The following SFI1 variants were observed in gnomAD, a reference collection of about 807,000 sequenced individuals.
SFI1 encodes SFI1 centrin binding protein.
Under a neutral mutation model 207.5 loss-of-function variants are expected in SFI1, and 195 were observed. The ratio of observed to expected loss-of-function variants is 0.94; its 90% CI spans 0.84 to 1.06. The LOEUF (loss-of-function observed/expected upper bound fraction) is 1.06. SFI1 is among the 50% of genes least tolerant of loss of function. SFI1 has a pLI of 0.00. For missense variants in SFI1, 1,634 were observed against 1,588.0 expected (o/e 1.03, Z -0.49); for synonymous variants, 630 against 598.9 (o/e 1.05, Z -0.76).
At chr22:31,539,661 CAA>C (rs1020364843) in intron 4 of SFI1, among the ~76,000 whole-genome samples, 36 of 152,086 alleles carry the variant, frequency 2.4e-4, no homozygotes, top group African/African-American at 8.2e-4. Context: ...CCTCAAATGT[CAA>C]GAGATTCTTT....
intron 2 of SFI1, chr22:31,521,234 G>T: frequency 1.1e-5 from 2 of 180,626 alleles, no homozygotes. Flanking sequence ...TTCCCAATCA[G>T]AGACTTGCGA....
chr22:31,569,377 C>G (rs1471478268), intron 8 of SFI1, among the ~76,000 whole-genome samples: 5 of 152,128 alleles, frequency 3.3e-5, no homozygotes, highest in Non-Finnish European at 7.3e-5. Context: ...ATGAACTGTT[C>G]TTGCCTAAAA....
At chr22:31,564,831 T>TTTTTTTTTTTG (rs57661689) in intron 8 of SFI1, among the ~76,000 whole-genome samples, 1 of 138,732 alleles carries the variant, frequency 7.2e-6, no homozygotes, top group African/African-American at 2.7e-5. Context: ...TTTTTTTTTT[T>TTTTTTTTTTTG]GAGACGGAGT....
At chr22:31,604,770 T>A in intron 19 of SFI1, 99 bp from the exon 20 acceptor site, 1 of 1,114,440 alleles carries the variant, frequency 9.0e-7, no homozygotes, top group Non-Finnish European at 1.3e-6. Context: ...TTGAGTTCTC[T>A]GGGCATGGCA....
chr22:31,554,043 GC>G (rs1313209257), intron 6 of SFI1, among the ~76,000 whole-genome samples: 1 of 151,092 alleles, frequency 6.6e-6, no homozygotes, highest in Non-Finnish European at 1.5e-5. Flanking sequence ...TTGCTTTGTT[GC>G]CCAGGCTGGT....
At chr22:31,577,253 G>C (rs1434519816) in intron 10 of SFI1, among the ~76,000 whole-genome samples, 1 of 152,202 alleles carries the variant, frequency 6.6e-6, no homozygotes, top group African/African-American at 2.4e-5. Flanking sequence ...TAAGTCATAG[G>C]AGATGAGAAG....
At chr22:31,545,545 TTTTAA>T (rs199762639) in intron 4 of SFI1, among the ~76,000 whole-genome samples, 4,941 of 134,296 alleles carry the variant, frequency 0.037, 333 homozygotes, top group East Asian at 0.33. Flanking sequence ...GAGATGGAGT[TTTTAA>T]TTTAATTTAA....
intron 1 of SFI1, among the ~76,000 whole-genome samples, chr22:31,506,255 G>C (rs1397495788): frequency 6.6e-6 from 1 of 151,928 alleles, no homozygotes; most frequent in Non-Finnish European, 1.5e-5. Context: ...CCCATGTTGG[G>C]CAGGCTGGTC....
rs185194816 is a variant in SFI1 at position 31,524,418 on chromosome 22, G to A, written c.93-4272G>A. Reference sequence around the variant, plus strand: ...TGAGAAATGTCTATTCAGAGAATTTGCTCCCCTCACTTTTTTTTTTTTGAG... The same window carrying A: ...TGAGAAATGTCTATTCAGAGAATTTACTCCCCTCACTTTTTTTTTTTTGAG... On this transcript the variant is annotated intron_variant, in intron 2 of 32. Coordinates refer to ENST00000400288, the MANE Select transcript of SFI1 (RefSeq NM_001007467.3). Among the ~76,000 whole-genome samples the A allele has an allele frequency of 2.0e-5, 3 of 151,832 alleles. No individual in the cohort carries two copies. In the East Asian group the frequency reaches 5.8e-4, roughly 29 times the overall value.
rs1057089333 is a variant in SFI1 at position 31,546,888 on chromosome 22, G to A, written c.366G>A (p.Arg122=). Residue 122 remains arginine, a synonymous_variant, in exon 5 of 33, where the codon CGG becomes CGA. Transcript: ENST00000400288. ...TTTACTATGAGCAGCGATTACTACG[G>A]AAGGTCTTCGAAGAATGGAAAGAGG... ...ARFYYEQRLL[R]KVFEEWKEEW... 1.2e-6 allele frequency: 2 copies of A among 1,611,674 alleles called. No homozygotes were observed. The highest frequency in any genetic ancestry group is 2.7e-5 in the African/African-American group (2 of 74,774).
intron 15 of SFI1, among the ~76,000 whole-genome samples, chr22:31,593,027 T>G (rs867908048): frequency 6.4e-5 from 3 of 46,958 alleles, no homozygotes; most frequent in African/African-American, 9.2e-5. Context: ...GCTGGCCAGG[T>G]GGGGGGCTGA....
Position 31,580,214 on chromosome 22 carries a change from G to C in SFI1, c.1156-58G>C. On this transcript the variant is annotated intron_variant, in intron 11 of 32. Transcript: ENST00000400288. The stretch of plus-strand genomic sequence containing the variant: ...CACTGTTTGCCTTCCTCTACTCTTA[G>C]TTTACAGACTCTACTGATCCCAGTC... 2.1e-6 allele frequency: 3 copies of C among 1,417,506 alleles called. No individual in the cohort carries two copies. In the South Asian group the frequency reaches 3.5e-5, roughly 17 times the overall value. The allele number at this position is 1,417,506 out of a possible 1,614,324, so 87.8% of individuals were successfully genotyped here.
chr22:31,547,211 T>C (rs2060171804), intron 5 of SFI1, among the ~76,000 whole-genome samples: 1 of 152,202 alleles, frequency 6.6e-6, no homozygotes, highest in Non-Finnish European at 1.5e-5. Flanking sequence ...GTAACCATTA[T>C]GTATTGGTTA....
At chr22:31,556,680 G>A (rs936496522) in intron 6 of SFI1, among the ~76,000 whole-genome samples, 1 of 152,294 alleles carries the variant, frequency 6.6e-6, no homozygotes, top group African/African-American at 2.4e-5. Flanking sequence ...ATAGAAATAA[G>A]CGCTTTTAAA....
intron 4 of SFI1, among the ~76,000 whole-genome samples, chr22:31,541,380 T>C (rs947785493): frequency 6.6e-6 from 1 of 152,334 alleles, no homozygotes; most frequent in Non-Finnish European, 1.5e-5. Flanking sequence ...TTTGCTGTTA[T>C]TTAATGCGGC....
chr22:31,603,083 T>C (rs1377022769), intron 17 of SFI1, among the ~76,000 whole-genome samples: 2 of 152,104 alleles, frequency 1.3e-5, no homozygotes, highest in African/African-American at 4.8e-5. Context: ...AATACAAAAA[T>C]TAGCCAGGCG....
intron 8 of SFI1, among the ~76,000 whole-genome samples, chr22:31,562,307 T>C (rs2061789768): frequency 6.6e-6 from 1 of 152,134 alleles, no homozygotes; most frequent in Non-Finnish European, 1.5e-5. Context: ...AAAAGTTTGC[T>C]GACCTCTGAA....
Position 31,613,473 on chromosome 22 carries a change from C to T in SFI1, c.2685C>T (p.Arg895=), listed in dbSNP as rs1203254884. 6.2e-7 allele frequency: 1 copy of T among 1,601,526 alleles called. No individual in the cohort carries two copies. Among genetic ancestry groups the T allele is most frequent in the Non-Finnish European group, 8.5e-7 (1 of 1,177,776 alleles). ...AGGAGGGTGCCACGCGGCTCCTGCGCTTTGCAGCCAGCATGAAGGCCTCCC... is the reference window on the plus strand; with the variant it reads ...AGGAGGGTGCCACGCGGCTCCTGCGTTTTGCAGCCAGCATGAAGGCCTCCC... The part of the protein sequence containing the change: ...LLQEGATRLL[R]FAASMKASRQ... The change falls in exon 26 of 33, where the codon CGC becomes CGT. Residue 895 remains arginine (R), a synonymous_variant. Coordinates refer to ENST00000400288, the MANE Select transcript of SFI1 (RefSeq NM_001007467.3).
chr22:31,611,390 T>C, intron 23 of SFI1, 87 bp downstream of exon 23: 1 of 1,435,638 alleles, frequency 7.0e-7, no homozygotes, highest in Middle Eastern at 2.6e-4. Flanking sequence ...GAAGGGGTCT[T>C]TCCTGACAGC....
Sources: gnomAD v4.1 joint callset for allele counts (sites outside exome capture counted in the v4.1 genomes callset) on GRCh38, gnomAD v4.1.1 for gene constraint, MANE v1.5 for transcripts, NCBI Gene and HGNC (gene_info 2026-07-23, HGNC 2026-07-21) for gene names.